Variants in ACO2 observed in about 807,000 individuals in gnomAD.
The protein encoded by ACO2 is aconitate hydratase, mitochondrial.
ACO2 carries 31 observed loss-of-function variants against 84.5 expected under a neutral mutation model. That is an observed-to-expected ratio of 0.37 (90% confidence interval 0.28 to 0.50). The LOEUF (loss-of-function observed/expected upper bound fraction) is 0.50, where lower values mean the gene tolerates loss of function less well. Among genes scored for constraint, ACO2 ranks in the 20% least tolerant of loss-of-function variants. ACO2 has a pLI of 0.97. For missense variants in ACO2, 685 were observed against 1,029.3 expected, an observed-to-expected ratio of 0.67 and a Z score of 4.58; for synonymous variants, 414 against 412.7, an observed-to-expected ratio of 1.00 and a Z score of -0.04.
intron 1 of ACO2, among the ~76,000 whole-genome samples, chr22:41,483,795 C>T (rs1255191623): frequency 6.6e-6 from 1 of 152,122 alleles, no homozygotes; most frequent in African/African-American, 2.4e-5. Context: ...ATGGCAGATA[C>T]TTGAGGATGT....
At chr22:41,524,817 G>A (rs2066564802) in intron 12 of ACO2, 29 bp from the exon 13 acceptor site, 11 of 1,613,950 alleles carry the variant, frequency 6.8e-6, no homozygotes, top group Non-Finnish European at 9.3e-6. Flanking sequence ...AATTGGTGCT[G>A]ACCAACAAAC....
chr22:41,526,245 T>G lies in ACO2; in HGVS notation c.1762-17T>G. The G allele has an allele frequency of 6.2e-7, 1 of 1,608,492 alleles. No individual in the cohort carries two copies. On this transcript the variant is annotated splice_polypyrimidine_tract_variant and intron_variant, in intron 14 of 17. Transcript: ENST00000216254. ...GGGCCATGCCCTGACCTCTGTCCTCTCTACTTACCACCCAAGGTCAAAGGG... is the reference window on the plus strand; with the variant it reads ...GGGCCATGCCCTGACCTCTGTCCTCGCTACTTACCACCCAAGGTCAAAGGG...
intron 1 of ACO2, among the ~76,000 whole-genome samples, chr22:41,495,239 C>A (rs1189097393): frequency 6.6e-6 from 1 of 151,940 alleles, no homozygotes; most frequent in African/African-American, 2.4e-5. Context: ...TGCTGTCTTG[C>A]CCAGGCTGGT....
At chr22:41,484,413 G>T (rs1296143627) in intron 1 of ACO2, among the ~76,000 whole-genome samples, 1 of 152,218 alleles carries the variant, frequency 6.6e-6, no homozygotes, top group Non-Finnish European at 1.5e-5. Flanking sequence ...CAGGGAGCTG[G>T]TGGATGGGTA....
rs2066512609 is a variant in ACO2 at position 41,520,270 on chromosome 22, C to T, written c.1132C>T (p.Arg378Ter). The change falls in exon 9 of 18, where the codon CGA becomes TGA. Residue 378 changes from arginine to a stop codon, truncating the protein, a stop_gained. Transcript: ENST00000216254. LOFTEE classifies it high-confidence loss of function. Reference protein sequence around the residue: ...AEKEGWPLDIRVGLIGSCTNS... With the variant: ...AEKEGWPLDI ...GAAGGAAGGATGGCCTCTGGACATC[C>T]GAGTGGGTGAGCACCTTCCACCCCA... 2.5e-6 allele frequency: 4 copies of T among 1,613,464 alleles called. No homozygotes were observed. The highest frequency in any genetic ancestry group is 2.7e-5 in the African/African-American group (2 of 74,886).
intron 3 of ACO2, among the ~76,000 whole-genome samples, chr22:41,509,487 G>T (rs2066418401): frequency 6.6e-6 from 1 of 152,144 alleles, no homozygotes; most frequent in African/African-American, 2.4e-5. Context: ...GACTTGGTCA[G>T]TATAAAAAAG....
At chr22:41,478,423 C>T (rs886475578) in intron 1 of ACO2, among the ~76,000 whole-genome samples, 3 of 152,136 alleles carry the variant, frequency 2.0e-5, no homozygotes, top group South Asian at 2.1e-4. Flanking sequence ...AGATTACAGG[C>T]GTGAGCCACT....
At chr22:41,498,722 C>A (rs1370262572) in intron 1 of ACO2, among the ~76,000 whole-genome samples, 1 of 152,206 alleles carries the variant, frequency 6.6e-6, no homozygotes, top group East Asian at 1.9e-4. Context: ...AGCTGTTCTT[C>A]TTATGACCTA....
intron 1 of ACO2, 133 bp downstream of exon 1, chr22:41,469,315 C>A: frequency 9.0e-7 from 1 of 1,110,054 alleles, no homozygotes; most frequent in Non-Finnish European, 1.3e-6. Context: ...GGTTGTGGGC[C>A]CGGCACCCGT....
chr22:41,485,869 G>A (rs1010873333), intron 1 of ACO2, among the ~76,000 whole-genome samples: 3 of 152,078 alleles, frequency 2.0e-5, no homozygotes, highest in Non-Finnish European at 4.4e-5. Flanking sequence ...TTACAGGCTC[G>A]AGCCACCGTG....
At chr22:41,477,297 G>A (rs1413679060) in intron 1 of ACO2, among the ~76,000 whole-genome samples, 1 of 151,368 alleles carries the variant, frequency 6.6e-6, no homozygotes, top group Non-Finnish European at 1.5e-5. Flanking sequence ...GGGACTACAG[G>A]CACCCGCCAC....
chr22:41,522,678 C>T (rs2066536557), intron 9 of ACO2, 152 bp from the exon 10 acceptor site: 5 of 760,362 alleles, frequency 6.6e-6, no homozygotes, highest in Non-Finnish European at 4.2e-6. Flanking sequence ...TTGGATATTT[C>T]GGTTGCTTGC....
At chr22:41,470,630 C>G (rs1601871726) in intron 1 of ACO2, among the ~76,000 whole-genome samples, 1 of 148,276 alleles carries the variant, frequency 6.7e-6, no homozygotes, top group East Asian at 2.0e-4. Flanking sequence ...GCAACTCTGC[C>G]TCCTGGGTTC....
chr22:41,491,768 T>C (rs1206493131), intron 1 of ACO2, among the ~76,000 whole-genome samples: 1 of 152,242 alleles, frequency 6.6e-6, no homozygotes, highest in Non-Finnish European at 1.5e-5. Context: ...ATTTCATTTT[T>C]ATCAATGCTG....
At chr22:41,522,136 C>G (rs1014008737) in intron 9 of ACO2, among the ~76,000 whole-genome samples, 3 of 152,168 alleles carry the variant, frequency 2.0e-5, no homozygotes. Flanking sequence ...CAAGAGCAGC[C>G]TGGGCAACAT....
At position 41,528,694 on chromosome 22, in the gene ACO2, G is replaced by A; in HGVS notation, c.*81G>A. ...CAGTGGATCCGATCCGTCCAGCCAT[G>A]GCTTCCTATTCCAAGATGGTGTGAC... On this transcript the variant is annotated 3_prime_UTR_variant, in exon 18 of 18. Transcript: ENST00000216254. 6.5e-7 allele frequency: 1 copy of A among 1,541,282 alleles called. No homozygotes were observed. Among genetic ancestry groups the A allele is most frequent in the South Asian group, 1.2e-5 (1 of 82,308 alleles).
chr22:41,471,261 C>T lies in ACO2; in HGVS notation c.36+2079C>T, dbSNP rs112289127. Among the ~76,000 whole-genome samples, 191 of 152,302 alleles carry T rather than the reference C, an allele frequency of 1.3e-3. 3 individuals are homozygous for T. The highest frequency in any genetic ancestry group is 4.4e-3 in the African/African-American group (183 of 41,554). On this transcript the variant is annotated intron_variant, in intron 1 of 17. Transcript: ENST00000216254. ...TGAGAGCCTGGGTGACTTCCAGTAG[C>T]AGAGTCAGGATTAAAATCCTGGTCT... is the stretch of plus-strand genomic sequence containing the variant.
chr22:41,475,209 G>A (rs1363097821), intron 1 of ACO2, among the ~76,000 whole-genome samples: 1 of 109,962 alleles, frequency 9.1e-6, no homozygotes, highest in African/African-American at 3.7e-5. Flanking sequence ...GCCTCATTCT[G>A]TCAGCCAGGC....
chr22:41,508,713 C>T (rs1410008710), intron 3 of ACO2, among the ~76,000 whole-genome samples: 1 of 152,238 alleles, frequency 6.6e-6, no homozygotes, highest in Non-Finnish European at 1.5e-5. Flanking sequence ...CCTGCTCCTT[C>T]TCCCAGGCTC....
Sources: gnomAD v4.1 joint callset for allele counts (sites outside exome capture counted in the v4.1 genomes callset) on GRCh38, gnomAD v4.1.1 for gene constraint, MANE v1.5 for transcripts, NCBI Gene and HGNC (gene_info 2026-07-23, HGNC 2026-07-21) for gene names.